The following MDGA2 variants were observed in gnomAD, a reference collection of about 807,000 sequenced individuals.
MDGA2 encodes MAM domain-containing glycosylphosphatidylinositol anchor protein 2.
MDGA2 carries 40 observed loss-of-function variants against 117.8 expected under a neutral mutation model. That is an observed-to-expected ratio of 0.34 (90% confidence interval 0.26 to 0.44). The LOEUF is 0.44. Among genes scored for constraint, MDGA2 ranks in the 20% least tolerant of loss-of-function variants. The pLI is 1.00. For missense variants in MDGA2, 1,123 were observed against 1,250.6 expected (o/e 0.90, Z 1.54); for synonymous variants, 452 against 439.0 (o/e 1.03, Z -0.37).
chr14:47,414,927 A>G (rs1329275453), intron 1 of MDGA2, among the ~76,000 whole-genome samples: 2 of 152,130 alleles, frequency 1.3e-5, no homozygotes. Context: ...TCTATTGCAA[A>G]TAAAAAACAA....
At chr14:46,921,342 A>G (rs1401290212) in intron 9 of MDGA2, among the ~76,000 whole-genome samples, 2 of 151,928 alleles carry the variant, frequency 1.3e-5, no homozygotes, top group Non-Finnish European at 2.9e-5. Context: ...GCTCGTGCCT[A>G]TAATCCCAAC....
chr14:47,178,695 G>T lies in MDGA2; in HGVS notation c.596-34421C>A, dbSNP rs1035705558. Among the ~76,000 whole-genome samples, 2 of 152,140 alleles carry T rather than the reference G, an allele frequency of 1.3e-5. 1 individual carries two copies. The highest frequency in any genetic ancestry group is 4.1e-4 in the South Asian group (2 of 4,832). ...GAAATATAAGCCATCATCATCTTGT[G>T]TCGTGGTGCTATGGGAACTATCAGA... On this transcript the variant is annotated intron_variant, in intron 3 of 16. Coordinates refer to ENST00000399232, the MANE Select transcript of MDGA2 (RefSeq NM_001113498.3).
At chr14:47,612,667 C>A (rs1896873872) in intron 1 of MDGA2, among the ~76,000 whole-genome samples, 1 of 152,080 alleles carries the variant, frequency 6.6e-6, no homozygotes, top group African/African-American at 2.4e-5. Context: ...AAGCAATTTG[C>A]CGCTGTTGGT....
At chr14:47,004,508 T>C (rs1594517504) in intron 8 of MDGA2, among the ~76,000 whole-genome samples, 1 of 151,778 alleles carries the variant, frequency 6.6e-6, no homozygotes, top group Non-Finnish European at 1.5e-5. Context: ...CCCAACTTTG[T>C]TGTTCCTTTC....
chr14:46,929,580 CGTGTGT>C (rs375013114), intron 9 of MDGA2, among the ~76,000 whole-genome samples: 4,036 of 33,002 alleles, frequency 0.12, 492 homozygotes, highest in African/African-American at 0.16. Context: ...AGTATATATA[CGTGTGT>C]GTGTGTGTGT....
At position 47,233,852 on chromosome 14, in the gene MDGA2, AACCT is replaced by A. The variant is rs147019901; in HGVS notation, c.421-15661_421-15658del. Reference sequence around the variant, plus strand: ...ACAAGGACTGGGGAGAGAGAACTCAAACCTTTAAAAGTTATGAATTAGAACCCCT... The same window carrying A: ...ACAAGGACTGGGGAGAGAGAACTCAATTAAAAGTTATGAATTAGAACCCCT... On this transcript the variant is annotated intron_variant, in intron 2 of 16. Coordinates refer to ENST00000399232, the MANE Select transcript of MDGA2 (RefSeq NM_001113498.3). 9.4e-3 allele frequency among the ~76,000 whole-genome samples: 1,427 copies of A among 152,190 alleles called. 24 individuals carry two copies. Among genetic ancestry groups the A allele is most frequent in the African/African-American group, 0.033 (1,365 of 41,540 alleles).
At chr14:47,506,387 A>G (rs1391246590) in intron 1 of MDGA2, among the ~76,000 whole-genome samples, 1 of 152,266 alleles carries the variant, frequency 6.6e-6, no homozygotes, top group East Asian at 1.9e-4. Flanking sequence ...ATATGGCCAC[A>G]TGAACGACTT....
chr14:47,215,868 T>C (rs908151778), intron 3 of MDGA2, among the ~76,000 whole-genome samples: 9 of 152,122 alleles, frequency 5.9e-5, no homozygotes, highest in Admixed American at 2.6e-4. Flanking sequence ...TGATGTTTCA[T>C]TGAAATAACA....
At chr14:47,622,923 C>CT (rs1897076292) in intron 1 of MDGA2, among the ~76,000 whole-genome samples, 1 of 152,092 alleles carries the variant, frequency 6.6e-6, no homozygotes, top group Non-Finnish European at 1.5e-5. Flanking sequence ...TCATTGTGGA[C>CT]TATTCTATCT....
At chr14:46,996,364 G>A (rs1352957316) in intron 8 of MDGA2, 1 of 152,150 alleles carries the variant, frequency 6.6e-6, no homozygotes, top group Non-Finnish European at 1.5e-5. Flanking sequence ...AGCCTTCTGG[G>A]CCTCTTTCCT....
chr14:46,904,809 C>T (rs1883426698), intron 10 of MDGA2, among the ~76,000 whole-genome samples: 2 of 152,112 alleles, frequency 1.3e-5, no homozygotes, highest in Admixed American at 1.3e-4. Flanking sequence ...GACTAGAAAC[C>T]CCAAACTCAG....
chr14:47,002,678 G>A (rs887357001), intron 8 of MDGA2, among the ~76,000 whole-genome samples: 2 of 151,712 alleles, frequency 1.3e-5, no homozygotes, highest in Admixed American at 6.6e-5. Flanking sequence ...GCAGTGAGTC[G>A]AGATTACACC....
At chr14:47,651,413 C>G (rs530423474) in intron 1 of MDGA2, among the ~76,000 whole-genome samples, 48 of 152,222 alleles carry the variant, frequency 3.2e-4, no homozygotes, top group Non-Finnish European at 2.9e-5. Flanking sequence ...ATCACTGTAT[C>G]TCCACCACAG....
At chr14:47,096,100 G>A (rs530499113) in intron 6 of MDGA2, among the ~76,000 whole-genome samples, 85 of 152,034 alleles carry the variant, frequency 5.6e-4, no homozygotes, top group African/African-American at 2.0e-3. Context: ...AGCTGGTAAT[G>A]ACCACATTAG....
intron 1 of MDGA2, among the ~76,000 whole-genome samples, chr14:47,401,045 C>A (rs1053344832): frequency 1.3e-5 from 2 of 151,624 alleles, no homozygotes; most frequent in African/African-American, 2.4e-5. Flanking sequence ...GCGTGAGCCA[C>A]CGTGCCCGGC....
rs778022404 is a variant in MDGA2 at position 47,035,183 on chromosome 14, C to T, written c.1647G>A (p.Ala549=). Residue 549 remains alanine, a synonymous_variant, in exon 8 of 17, where the codon GCG becomes GCA. Transcript: ENST00000399232. ...KPKPIILWSR[A]DKEVAMPDGS... Reference sequence around the variant, plus strand: ...CATCAGGCATTGCAACTTCTTTATCCGCTCTAGACCAAAGGATGATTGGTT... The same window carrying T: ...CATCAGGCATTGCAACTTCTTTATCTGCTCTAGACCAAAGGATGATTGGTT... 1.0e-4 allele frequency: 162 copies of T among 1,614,046 alleles called. No homozygotes were observed. Among genetic ancestry groups the T allele is most frequent in the Non-Finnish European group, 1.3e-4 (152 of 1,180,036 alleles).
At chr14:47,258,678 A>C (rs1266509598) in intron 2 of MDGA2, among the ~76,000 whole-genome samples, 1 of 152,120 alleles carries the variant, frequency 6.6e-6, no homozygotes, top group Non-Finnish European at 1.5e-5. Flanking sequence ...AATGTATTAT[A>C]TAATGTGAAA....
At chr14:46,895,415 C>T (rs551100142) in intron 10 of MDGA2, among the ~76,000 whole-genome samples, 6 of 152,196 alleles carry the variant, frequency 3.9e-5, no homozygotes, top group Non-Finnish European at 7.4e-5. Flanking sequence ...TAATCACTTC[C>T]TTCAATTATT....
intron 1 of MDGA2, among the ~76,000 whole-genome samples, chr14:47,470,557 A>G (rs901277577): frequency 6.6e-6 from 1 of 152,128 alleles, no homozygotes; most frequent in African/African-American, 2.4e-5. Flanking sequence ...GCTATTGTGA[A>G]TAGTGCCACA....
Sources: gnomAD v4.1 joint callset for allele counts (sites outside exome capture counted in the v4.1 genomes callset) on GRCh38, gnomAD v4.1.1 for gene constraint, MANE v1.5 for transcripts, NCBI Gene and HGNC (gene_info 2026-07-23, HGNC 2026-07-21) for gene names.